The following EXOC4 variants were observed in gnomAD, a reference collection of about 807,000 sequenced individuals.
The protein encoded by EXOC4 is exocyst complex component 4, also known as SEC8-like 1.
Under a neutral mutation model 107.2 loss-of-function variants are expected in EXOC4, and 71 were observed. The ratio of observed to expected loss-of-function variants is 0.66; its 90% confidence interval spans 0.55 to 0.81. The LOEUF (loss-of-function observed/expected upper bound fraction) is 0.81, where lower values mean the gene tolerates loss of function less well. Ranked by LOEUF, EXOC4 falls within the 30% of genes least tolerant of loss-of-function variation. The pLI is 0.00. For missense variants in EXOC4, 1,108 were observed against 1,189.6 expected (o/e 0.93, Z 1.01); for synonymous variants, 456 against 441.2 (o/e 1.03, Z -0.42).
intron 17 of EXOC4, among the ~76,000 whole-genome samples, chr7:134,040,782 T>A (rs1795497226): frequency 6.6e-6 from 1 of 152,214 alleles, no homozygotes; most frequent in Non-Finnish European, 1.5e-5. Context: ...GAAAAATATG[T>A]AAGCAAAGCA....
At chr7:133,573,212 A>G (rs1470432250) in intron 9 of EXOC4, among the ~76,000 whole-genome samples, 1 of 152,228 alleles carries the variant, frequency 6.6e-6, no homozygotes, top group African/African-American at 2.4e-5. Context: ...TATATAGGAT[A>G]CTTACCACTT....
intron 11 of EXOC4, among the ~76,000 whole-genome samples, chr7:133,848,154 C>T (rs1376300087): frequency 1.3e-5 from 2 of 152,154 alleles, no homozygotes; most frequent in South Asian, 2.1e-4. Flanking sequence ...TGGAAATGTG[C>T]GTGTGAATGT....
chr7:133,751,763 C>T lies in EXOC4; in HGVS notation c.1515-65562C>T, dbSNP rs531053752. Reference sequence around the variant, plus strand: ...TTCCTTTTTATCTTGATTCAAGAGCCCTTGAAACTATCCTTTTACATACTA... The same window carrying T: ...TTCCTTTTTATCTTGATTCAAGAGCTCTTGAAACTATCCTTTTACATACTA... On this transcript the variant is annotated intron_variant, in intron 10 of 17. Coordinates refer to ENST00000253861, the MANE Select transcript of EXOC4 (RefSeq NM_021807.4). Among the ~76,000 whole-genome samples, 13 of 152,086 alleles carry T rather than the reference C, an allele frequency of 8.5e-5. No homozygotes were observed. In the South Asian group the frequency reaches 2.5e-3, roughly 29 times the overall value.
intron 11 of EXOC4, among the ~76,000 whole-genome samples, chr7:133,865,666 C>T (rs1026322115): frequency 2.7e-4 from 41 of 152,138 alleles, no homozygotes; most frequent in Admixed American, 2.6e-3. Flanking sequence ...AGGAAACTTA[C>T]AACCATGACA....
intron 9 of EXOC4, among the ~76,000 whole-genome samples, chr7:133,539,295 T>C (rs1383169055): frequency 6.6e-6 from 1 of 151,578 alleles, no homozygotes; most frequent in Admixed American, 6.6e-5. Context: ...CTTTTTTTTT[T>C]CTTGTATTGT....
downstream of EXOC4, among the ~76,000 whole-genome samples, chr7:134,070,041 A>C (rs117125098): frequency 0.029 from 3,503 of 120,380 alleles, 62 homozygotes; most frequent in Non-Finnish European, 0.039. Context: ...CCTGGTCAAC[A>C]CAATTTTGCT....
chr7:134,013,858 T>C (rs1794829848), intron 17 of EXOC4, among the ~76,000 whole-genome samples: 2 of 152,070 alleles, frequency 1.3e-5, no homozygotes, highest in Non-Finnish European at 2.9e-5. Flanking sequence ...CCAGCAGGAT[T>C]GCTGTAACAA....
chr7:134,040,158 GC>G (rs1277249015), intron 17 of EXOC4, among the ~76,000 whole-genome samples: 5 of 152,208 alleles, frequency 3.3e-5, no homozygotes, highest in Admixed American at 6.5e-5. Flanking sequence ...CTTCCCTTCA[GC>G]CATCCTTTGT....
intron 7 of EXOC4, among the ~76,000 whole-genome samples, chr7:133,426,361 A>G (rs1797726844): frequency 6.6e-6 from 1 of 152,252 alleles, no homozygotes; most frequent in Non-Finnish European, 1.5e-5. Context: ...TTACAAATAT[A>G]AAAGGAAGAG....
intron 13 of EXOC4, among the ~76,000 whole-genome samples, chr7:133,929,098 A>C (rs952970060): frequency 1.3e-5 from 2 of 151,542 alleles, no homozygotes; most frequent in Non-Finnish European, 2.9e-5. Flanking sequence ...ACACCCGGCT[A>C]TTTTTTGTAT....
At chr7:133,607,885 G>T (rs760516384) in intron 9 of EXOC4, among the ~76,000 whole-genome samples, 2 of 152,148 alleles carry the variant, frequency 1.3e-5, no homozygotes, top group Non-Finnish European at 2.9e-5. Flanking sequence ...AAGAAGCACG[G>T]CTCTGAAATT....
At chr7:134,017,220 C>T (rs1794929513) in intron 17 of EXOC4, among the ~76,000 whole-genome samples, 1 of 152,076 alleles carries the variant, frequency 6.6e-6, no homozygotes, top group African/African-American at 2.4e-5. Context: ...AGATTATTAG[C>T]CGTGTAGATT....
intron 9 of EXOC4, among the ~76,000 whole-genome samples, chr7:133,516,758 A>ATTTTTTTT (rs780319592): frequency 0.082 from 4,015 of 49,056 alleles, 657 homozygotes; most frequent in African/African-American, 0.24. Flanking sequence ...CTAGCTGCTC[A>ATTTTTTTT]TTTTTTTTTT....
intron 10 of EXOC4, among the ~76,000 whole-genome samples, chr7:133,672,345 C>T (rs1385070520): frequency 5.4e-5 from 8 of 149,152 alleles, no homozygotes; most frequent in Admixed American, 4.7e-4. Flanking sequence ...GAGCCGAGAT[C>T]GCACCACTGC....
At chr7:134,027,667 A>AAAAT (rs1483812970) in intron 17 of EXOC4, among the ~76,000 whole-genome samples, 1 of 151,334 alleles carries the variant, frequency 6.6e-6, no homozygotes, top group Non-Finnish European at 1.5e-5. Context: ...AAAAAAAAAA[A>AAAAT]AAAAAGGAAT....
At chr7:133,267,007 G>C (rs1793745928) in intron 1 of EXOC4, among the ~76,000 whole-genome samples, 1 of 152,168 alleles carries the variant, frequency 6.6e-6, no homozygotes, top group South Asian at 2.1e-4. Context: ...TTGCCCATAT[G>C]ATCTGCATAG....
intron 11 of EXOC4, among the ~76,000 whole-genome samples, chr7:133,890,503 C>G (rs1799182653): frequency 7.1e-6 from 1 of 140,894 alleles, no homozygotes; most frequent in Admixed American, 6.9e-5. Flanking sequence ...TTGCCCACGC[C>G]TATGTCCTGA....
rs543810068 is a variant in EXOC4 at position 133,716,919 on chromosome 7, A to G, written c.1514+86778A>G. On this transcript the variant is annotated intron_variant, in intron 10 of 17. Transcript: ENST00000253861. ...CACACCCCTGCACTCCAGCCTGGCT[A>G]CAGAGCAAGACTCCATCTTAACAAA... 2.0e-5 allele frequency among the ~76,000 whole-genome samples: 3 copies of G among 152,326 alleles called. No homozygotes were observed. The South Asian group carries it at 6.2e-4, about 32-fold the overall frequency.
Position 133,930,320 on chromosome 7 carries a change from C to G in EXOC4, c.2028-7571C>G, listed in dbSNP as rs1800148838. On this transcript the variant is annotated intron_variant, in intron 13 of 17. Transcript: ENST00000253861. The stretch of plus-strand genomic sequence containing the variant: ...ATTGTTTATACCTAGTGTTGCTTGA[C>G]AATATCTATGAAGCAAAGTTAGTGG... 3.9e-5 allele frequency: 6 copies of G among 152,280 alleles called. No homozygotes were observed. In the South Asian group the frequency reaches 1.2e-3, roughly 32 times the overall value. 9.4% of individuals were successfully genotyped at this position (152,280 alleles called of 1,614,324 possible). A position where few individuals can be genotyped will look rare whatever the true frequency, so the allele number is the denominator to read the frequency against.
Sources: allele counts gnomAD v4.1 joint callset (sites outside exome capture counted in the v4.1 genomes callset), GRCh38; gene constraint gnomAD v4.1.1; transcripts MANE v1.5; gene names NCBI Gene and HGNC (gene_info 2026-07-23, HGNC 2026-07-21).